The following MALT1 variants were observed in gnomAD, a reference collection of about 807,000 sequenced individuals.
The protein encoded by MALT1 is mucosa-associated lymphoid tissue lymphoma translocation protein 1.
MALT1 carries 36 observed loss-of-function variants against 85.5 expected under a neutral mutation model. The observed-to-expected ratio is 0.42, with a 90% CI of 0.32 to 0.56. The LOEUF (loss-of-function observed/expected upper bound fraction) is 0.56. Ranked by LOEUF, MALT1 falls within the 20% of genes least tolerant of loss-of-function variation. The pLI, the probability that MALT1 is intolerant of heterozygous loss-of-function variation, is 0.10. For synonymous variants in MALT1, 359 were observed against 361.3 expected (o/e 0.99, Z 0.07); for missense variants, 716 against 981.6 (o/e 0.73, Z 3.62).
In MALT1 at chr18:58,750,056, C is replaced by G. The variant is rs908969711; in HGVS notation, c.*2214C>G. 1.5e-5 allele frequency: 3 copies of G among 193,660 alleles called. No homozygotes were observed. The highest frequency in any genetic ancestry group is 2.3e-5 in the African/African-American group (1 of 43,162). 12.0% of individuals were successfully genotyped at this position (193,660 alleles called of 1,614,324 possible). The stretch of plus-strand genomic sequence containing the variant: ...GGTTTATACTGCAAAAGAAGTGAAA[C>G]TATATGTATTCACAGTTGATACATA... On this transcript the variant is annotated 3_prime_UTR_variant, in exon 17 of 17. Coordinates refer to ENST00000649217, the MANE Select transcript of MALT1 (RefSeq NM_006785.4).
At chr18:58,702,755 G>A (rs915350024) in intron 4 of MALT1, among the ~76,000 whole-genome samples, 2 of 152,210 alleles carry the variant, frequency 1.3e-5, no homozygotes, top group Admixed American at 1.3e-4. Context: ...TAAAGGCCAT[G>A]TAGTGAGTGT....
intron 16 of MALT1, 117 bp from the exon 17 acceptor site, chr18:58,747,288 C>G (rs2055381131): frequency 1.5e-6 from 1 of 667,276 alleles, no homozygotes; most frequent in African/African-American, 1.8e-5. Context: ...GATTTGGAAC[C>G]TGGGAAAGGA....
intron 4 of MALT1, among the ~76,000 whole-genome samples, chr18:58,701,146 C>T (rs1295608113): frequency 2.0e-5 from 3 of 151,646 alleles, no homozygotes; most frequent in Non-Finnish European, 2.9e-5. Context: ...TGCACACACA[C>T]ATATATGTGT....
chr18:58,681,403 T>C, intron 2 of MALT1, 67 bp downstream of exon 2: 1 of 1,440,850 alleles, frequency 6.9e-7, no homozygotes, highest in Admixed American at 2.1e-5. Context: ...AATTATCTCT[T>C]TTGACCAGGT....
intron 14 of MALT1, among the ~76,000 whole-genome samples, chr18:58,743,147 G>A (rs536788527): frequency 6.6e-6 from 1 of 152,184 alleles, no homozygotes; most frequent in African/African-American, 2.4e-5. Context: ...GGCCAAGGTG[G>A]GTAGATCACC....
intron 1 of MALT1, among the ~76,000 whole-genome samples, chr18:58,680,816 G>A (rs963747792): frequency 2.0e-5 from 3 of 151,530 alleles, no homozygotes; most frequent in South Asian, 2.1e-4. Context: ...CCAGCTACTC[G>A]GGAGGCTGAG....
In MALT1 at chr18:58,716,464, C is replaced by T. The variant is rs558330819; in HGVS notation, c.1018+497C>T. ...AGCAGATAAAAGTTTAGCAGATTAA[C>T]ATTTAAAGATGGTAAAAATAGCTAA... On this transcript the variant is annotated intron_variant, in intron 9 of 16. Coordinates refer to ENST00000649217, the MANE Select transcript of MALT1 (RefSeq NM_006785.4). Among the ~76,000 whole-genome samples, 104 of 152,308 alleles carry T rather than the reference C, an allele frequency of 6.8e-4. 2 individuals are homozygous for T. The highest frequency in any genetic ancestry group is 2.4e-3 in the African/African-American group (99 of 41,572).
At position 58,681,332 on chromosome 18, in the gene MALT1, C is replaced by G. The variant is rs757933580; in HGVS notation, c.372C>G (p.Pro124=). 1 of 1,612,454 alleles carries G rather than the reference C, an allele frequency of 6.2e-7. No homozygotes were observed. Among genetic ancestry groups the G allele is most frequent in the Non-Finnish European group, 8.5e-7 (1 of 1,179,254 alleles). Residue 124 remains proline (P), a synonymous_variant, in exon 2 of 17, where the codon CCC becomes CCG. Transcript: ENST00000649217. ...CTGAAGTTCTTCAGCTTCTCAGCCC[C>G]CCAGGTAGGTTTTGTTCTTAGGATT... The part of the protein sequence containing the change: ...EHTEVLQLLS[P]PGIKITVNPE...
Position 58,753,078 on chromosome 18 carries a change from A to G in MALT1, c.*5236A>G, listed in dbSNP as rs548339422. ...TACTTTCCAGAGCTGGCAGTACTAA[A>G]TAAGACCATTCCTCTAAAGTGCCAG... is the stretch of plus-strand genomic sequence containing the variant. On this transcript the variant is annotated 3_prime_UTR_variant, in exon 17 of 17. Coordinates refer to ENST00000649217, the MANE Select transcript of MALT1 (RefSeq NM_006785.4). 3.9e-5 allele frequency: 6 copies of G among 152,346 alleles called. No individual in the cohort carries two copies. The highest frequency in any genetic ancestry group is 1.2e-4 in the African/African-American group (5 of 41,576). The allele number at this position is 152,346 out of a possible 1,614,324, so 9.4% of individuals were successfully genotyped here. A position where few individuals can be genotyped will look rare whatever the true frequency, so the allele number is the denominator to read the frequency against.
intron 14 of MALT1, 68 bp downstream of exon 14, chr18:58,742,082 A>G: frequency 7.9e-7 from 1 of 1,268,908 alleles, no homozygotes; most frequent in Non-Finnish European, 1.0e-6. Context: ...GTTTCTTCTG[A>G]ATAAATAACT....
intron 7 of MALT1, 147 bp from the exon 8 acceptor site, chr18:58,713,936 A>G: frequency 3.9e-6 from 2 of 508,870 alleles, no homozygotes; most frequent in Middle Eastern, 3.7e-4. Flanking sequence ...CAGTATTTGC[A>G]TGGCTTCTTC....
At chr18:58,678,456 CGT>C (rs143462636) in intron 1 of MALT1, among the ~76,000 whole-genome samples, 1 of 151,622 alleles carries the variant, frequency 6.6e-6, no homozygotes, top group Non-Finnish European at 1.5e-5. Flanking sequence ...TTTATGTCTG[CGT>C]GTGTGTGTGT....
rs551948636 is a variant in MALT1 at position 58,741,742 on chromosome 18, TTTG to T, written c.1604-119_1604-117del. 3.8e-3 allele frequency: 2,034 copies of T among 534,138 alleles called. 31 individuals are homozygous for T. The highest frequency in any genetic ancestry group is 0.035 in the African/African-American group (1,853 of 52,766). The allele number at this position is 534,138 out of a possible 1,614,324, so 33.1% of individuals were successfully genotyped here. On this transcript the variant is annotated intron_variant, in intron 13 of 16. Transcript: ENST00000649217. ...GCACATAATAGGTGCTCAGGAAATA[TTTG>T]TTGAGTGAATAAATGATACTGAGAA...
In MALT1 at chr18:58,674,925, A is replaced by G. The variant is rs188190630; in HGVS notation, c.209+3073A>G. 7.0e-4 allele frequency among the ~76,000 whole-genome samples: 107 copies of G among 152,334 alleles called. No homozygotes were observed. The East Asian group carries it at 0.02, about 28-fold the overall frequency. ...AAACTGGGTGAAAATTTAATAATAC[A>G]AATAAGTAAACCACAAGAAAAGAGC... On this transcript the variant is annotated intron_variant, in intron 1 of 16. Transcript: ENST00000649217.
At position 58,705,289 on chromosome 18, in the gene MALT1, CGTGTGT is replaced by C. The variant is rs59890170; in HGVS notation, c.650-4060_650-4055del. ...ACTTTTGAGCAATCTTGTAAAAGTA[CGTGTGT>C]GTGTGTGTGTGTGTGTGTGTGTGTG... is the stretch of plus-strand genomic sequence containing the variant. On this transcript the variant is annotated intron_variant, in intron 4 of 16. Transcript: ENST00000649217. 5.9e-3 allele frequency among the ~76,000 whole-genome samples: 866 copies of C among 147,096 alleles called. 12 individuals carry two copies. Among genetic ancestry groups the C allele is most frequent in the African/African-American group, 0.02 (772 of 39,548 alleles).
In MALT1 at chr18:58,744,377, T is replaced by C. The variant is rs1568157397; in HGVS notation, c.1793T>C (p.Val598Ala). ...ESMCLKFDCG[V>A]QIQLGFAAEF... ...ATGTGTCTTAAGTTTGACTGTGGTG[T>C]TCAGATTCAATTAGGATTTGCAGCT... The change falls in exon 15 of 17, where the codon GTT (valine) becomes GCT (alanine). Residue 598 changes from valine to alanine, a missense_variant. Physicochemically the swap from Val to Ala is moderately conservative, Grantham distance 64. This residue lies in a region of MALT1 where 260 missense variants were observed against 323.7 expected (regional missense o/e 0.80). Transcript: ENST00000649217. 6.2e-7 allele frequency: 1 copy of C among 1,608,146 alleles called. No homozygotes were observed. Among genetic ancestry groups the C allele is most frequent in the Admixed American group, 1.7e-5 (1 of 59,538 alleles).
rs563583677 is a variant in MALT1, at chr18:58,751,500, T to C, written c.*3658T>C. Reference sequence around the variant, plus strand: ...ATCCGTGGAGGCTGAAACAGGAGAATCGCATGAATTTTTTAAAAAATCTAA... The same window carrying C: ...ATCCGTGGAGGCTGAAACAGGAGAACCGCATGAATTTTTTAAAAAATCTAA... On this transcript the variant is annotated 3_prime_UTR_variant, in exon 17 of 17. Coordinates refer to ENST00000649217, the MANE Select transcript of MALT1 (RefSeq NM_006785.4). 4.6e-4 allele frequency: 70 copies of C among 152,186 alleles called. No homozygotes were observed. Among genetic ancestry groups the C allele is most frequent in the African/African-American group, 1.6e-3 (68 of 41,548 alleles). The allele number at this position is 152,186 out of a possible 1,614,324, so 9.4% of individuals were successfully genotyped here.
At chr18:58,674,491 G>A (rs1379993578) in intron 1 of MALT1, among the ~76,000 whole-genome samples, 1 of 152,100 alleles carries the variant, frequency 6.6e-6, no homozygotes, top group Non-Finnish European at 1.5e-5. Context: ...GGTTGGCTGG[G>A]GTGAGAAGGG....
rs571925887 is a variant in MALT1, at chr18:58,691,857, AGC to A, written c.377-4507_377-4506del. ...CACTGCACTCCAGCCTGGGTGACAG[AGC>A]GAGACTCCGTCTCAAAAAAAAAAAA... On this transcript the variant is annotated intron_variant, in intron 2 of 16. Transcript: ENST00000649217. Among the ~76,000 whole-genome samples, 169 of 148,350 alleles carry A rather than the reference AGC, an allele frequency of 1.1e-3. 1 individual carries two copies. The highest frequency in any genetic ancestry group is 2.1e-3 in the Non-Finnish European group (145 of 67,478).
Sources: gnomAD v4.1 joint callset for allele counts (sites outside exome capture counted in the v4.1 genomes callset) on GRCh38, gnomAD v4.1.1 for gene constraint, gnomAD v4.1.1 regional missense constraint, MANE v1.5 for transcripts, NCBI Gene and HGNC (gene_info 2026-07-23, HGNC 2026-07-21) for gene names.